The following SGCD variants were observed in gnomAD, a reference collection of about 807,000 sequenced individuals.
The protein encoded by SGCD is sarcoglycan delta, also known as delta-sarcoglycan.
A neutral mutation model predicts 36.6 loss-of-function variants in SGCD; 18 were observed. That is an observed-to-expected ratio of 0.49 (90% confidence interval 0.34 to 0.73). SGCD has a LOEUF of 0.73. Among genes scored for constraint, SGCD ranks in the 30% least tolerant of loss-of-function variants. The pLI, the probability that SGCD is intolerant of heterozygous loss-of-function variation, is 0.01. For missense variants in SGCD, 387 were observed against 346.7 expected, an observed-to-expected ratio of 1.12 and a Z score of -0.92; for synonymous variants, 133 against 130.6, an observed-to-expected ratio of 1.02 and a Z score of -0.12.
intron 1 of SGCD, among the ~76,000 whole-genome samples, chr5:156,014,950 A>G (rs1242716037): frequency 6.6e-6 from 1 of 152,204 alleles, no homozygotes; most frequent in Non-Finnish European, 1.5e-5. Context: ...CTTTCCTGGC[A>G]TCACATCTGA....
At chr5:156,679,382 G>C (rs1204450707) in intron 7 of SGCD, among the ~76,000 whole-genome samples, 1 of 152,162 alleles carries the variant, frequency 6.6e-6, no homozygotes, top group Non-Finnish European at 1.5e-5. Context: ...TGGTGATTTT[G>C]GTAGAACAAG....
intron 1 of SGCD, among the ~76,000 whole-genome samples, chr5:156,018,850 A>T (rs1759040206): frequency 3.9e-5 from 6 of 152,212 alleles, no homozygotes; most frequent in Admixed American, 3.3e-4. Flanking sequence ...TCAAATAGTA[A>T]CAAATAAATA....
chr5:156,647,228 G>T (rs1417270675), intron 6 of SGCD, among the ~76,000 whole-genome samples: 1 of 152,126 alleles, frequency 6.6e-6, no homozygotes, highest in Admixed American at 6.6e-5. Flanking sequence ...TTGCCTCATG[G>T]CCTCACTCTG....
chr5:156,528,695 G>C (rs1757746231), intron 4 of SGCD, among the ~76,000 whole-genome samples: 1 of 152,188 alleles, frequency 6.6e-6, no homozygotes. Context: ...AGGGCTAAAG[G>C]TAATAAGTTT....
At chr5:156,233,169 T>C (rs1765064452) in intron 3 of SGCD, among the ~76,000 whole-genome samples, 2 of 152,238 alleles carry the variant, frequency 1.3e-5, no homozygotes, top group Admixed American at 1.3e-4. Context: ...AGAAAAATCC[T>C]ACCTAAGAAA....
At chr5:156,583,861 G>T (rs1760383402) in intron 4 of SGCD, among the ~76,000 whole-genome samples, 1 of 152,182 alleles carries the variant, frequency 6.6e-6, no homozygotes, top group Non-Finnish European at 1.5e-5. Flanking sequence ...AATAATGATT[G>T]TTTGGTAGAT....
intron 3 of SGCD, among the ~76,000 whole-genome samples, chr5:156,454,915 C>T (rs964593883): frequency 3.3e-5 from 5 of 151,994 alleles, no homozygotes; most frequent in African/African-American, 1.2e-4. Flanking sequence ...TGGAAGTCCT[C>T]ATACCTGCAA....
the SGCD span, among the ~76,000 whole-genome samples, chr5:155,785,929 C>A: frequency 6.6e-6 from 1 of 152,118 alleles, no homozygotes; most frequent in Non-Finnish European, 1.5e-5. Context: ...TTACTGTTTA[C>A]CATATACTTT....
At chr5:155,806,843 G>A in the SGCD span, among the ~76,000 whole-genome samples, 6,694 of 152,064 alleles carry the variant, frequency 0.044, 319 homozygotes, top group African/African-American at 0.12. Flanking sequence ...ACTTATAAGC[G>A]ATCTGATTAA....
intron 3 of SGCD, among the ~76,000 whole-genome samples, chr5:156,160,187 A>G (rs1315521560): frequency 6.6e-6 from 1 of 151,656 alleles, no homozygotes; most frequent in African/African-American, 2.4e-5. Flanking sequence ...TCAGAAAAGG[A>G]AATATGTCAT....
chr5:155,913,799 G>A (rs560725915), intron 1 of SGCD, among the ~76,000 whole-genome samples: 2 of 152,256 alleles, frequency 1.3e-5, no homozygotes, highest in South Asian at 4.2e-4. Context: ...TGGCAGGCAT[G>A]GCCTGATTTG....
chr5:156,332,539 AGT>A, intron 2 of SGCD, among the ~76,000 whole-genome samples: 2 of 152,296 alleles, frequency 1.3e-5, no homozygotes, highest in South Asian at 4.1e-4. Context: ...CGGTTATTTG[AGT>A]GACCATGTTC....
upstream of SGCD, among the ~76,000 whole-genome samples, chr5:156,325,306 A>G (rs1345809823): frequency 6.6e-6 from 1 of 151,856 alleles, no homozygotes; most frequent in Non-Finnish European, 1.5e-5. Flanking sequence ...AACTCACACT[A>G]GATGGGAGAG....
intron 3 of SGCD, among the ~76,000 whole-genome samples, chr5:156,360,936 T>G (rs945479992): frequency 2.0e-5 from 3 of 151,868 alleles, no homozygotes; most frequent in African/African-American, 7.3e-5. Context: ...CACCAGCCGT[T>G]TGCTCTCACT....
At chr5:156,504,403 TATATATA>T (rs1479692798) in intron 3 of SGCD, among the ~76,000 whole-genome samples, 3 of 87,374 alleles carry the variant, frequency 3.4e-5, no homozygotes, top group Non-Finnish European at 8.5e-5. Flanking sequence ...TATATATATA[TATATATA>T]TATATATATA....
At chr5:156,630,026 T>A (rs762948473) in intron 6 of SGCD, among the ~76,000 whole-genome samples, 8 of 152,000 alleles carry the variant, frequency 5.3e-5, no homozygotes, top group Non-Finnish European at 1.0e-4. Flanking sequence ...CATGCCCAGC[T>A]AATTTTCTGT....
intron 3 of SGCD, among the ~76,000 whole-genome samples, chr5:156,358,893 TGG>T (rs974225139): frequency 1.3e-5 from 2 of 151,850 alleles, no homozygotes; most frequent in African/African-American, 4.8e-5. Flanking sequence ...GTGGTGGTGG[TGG>T]GTGGGGAGAC....
intron 1 of SGCD, among the ~76,000 whole-genome samples, chr5:156,096,835 T>C (rs1761388944): frequency 1.3e-5 from 2 of 152,218 alleles, no homozygotes; most frequent in Admixed American, 1.3e-4. Flanking sequence ...ATTCTTTTAT[T>C]CTTTCCTTTT....
intron 3 of SGCD, among the ~76,000 whole-genome samples, chr5:156,223,236 A>C (rs1265369448): frequency 6.6e-6 from 1 of 152,114 alleles, no homozygotes; most frequent in Non-Finnish European, 1.5e-5. Context: ...CGTTCATGAC[A>C]CAAGATTGTG....
Sources: gnomAD v4.1 joint callset for allele counts (sites outside exome capture counted in the v4.1 genomes callset) on GRCh38, gnomAD v4.1.1 for gene constraint, MANE v1.5 for transcripts, NCBI Gene and HGNC (gene_info 2026-07-23, HGNC 2026-07-21) for gene names.